Variants in UGGT2 observed in about 807,000 individuals in gnomAD.
UGGT2 encodes the protein UDP-glucose:glycoprotein glucosyltransferase 2.
Under a neutral mutation model 192.1 loss-of-function variants are expected in UGGT2, and 180 were observed. The ratio of observed to expected loss-of-function variants is 0.94; its 90% CI spans 0.83 to 1.06. The LOEUF (loss-of-function observed/expected upper bound fraction) is 1.06. Ranked by LOEUF, UGGT2 falls within the 50% of genes least tolerant of loss-of-function variation. The probability of loss-of-function intolerance (pLI) is 0.00; values close to 1 mark genes in which losing one functional copy is unlikely to be tolerated. For missense variants in UGGT2, 1,849 were observed against 1,795.7 expected, an observed-to-expected ratio of 1.03 and a Z score of -0.54; for synonymous variants, 580 against 591.0, an observed-to-expected ratio of 0.98 and a Z score of 0.27.
At chr13:95,935,051 G>GGTTTT (rs141684721) in intron 17 of UGGT2, among the ~76,000 whole-genome samples, 2,543 of 152,102 alleles carry the variant, frequency 0.017, 71 homozygotes, top group African/African-American at 0.059. Flanking sequence ...AGCAACTCCT[G>GGTTTT]GTTTTGTTTT....
At chr13:95,983,013 G>C (rs1256753910) in intron 10 of UGGT2, among the ~76,000 whole-genome samples, 1 of 152,168 alleles carries the variant, frequency 6.6e-6, no homozygotes, top group Non-Finnish European at 1.5e-5. Context: ...GGCTGGCTAA[G>C]TTAGCACCAT....
intron 38 of UGGT2, among the ~76,000 whole-genome samples, chr13:95,814,786 T>C (rs144786335): frequency 8.1e-4 from 124 of 152,218 alleles, no homozygotes; most frequent in African/African-American, 2.6e-3. Context: ...ATTAAGAAAA[T>C]TATAGAACAA....
chr13:95,933,440 G>C (rs2049355008), intron 17 of UGGT2, among the ~76,000 whole-genome samples: 1 of 152,116 alleles, frequency 6.6e-6, no homozygotes, highest in African/African-American at 2.4e-5. Context: ...TGCTTATTTA[G>C]ATCGTTTCTC....
chr13:95,932,738 G>A (rs1280612545), intron 17 of UGGT2, among the ~76,000 whole-genome samples: 2 of 152,122 alleles, frequency 1.3e-5, no homozygotes, highest in East Asian at 3.9e-4. Flanking sequence ...GTCATAGATG[G>A]CGTTTATTAT....
intron 10 of UGGT2, among the ~76,000 whole-genome samples, chr13:95,980,464 G>A (rs1165408980): frequency 6.6e-6 from 1 of 152,008 alleles, no homozygotes; most frequent in Non-Finnish European, 1.5e-5. Flanking sequence ...AAAGGGCGGG[G>A]GGTGGCAAGA....
intron 38 of UGGT2, among the ~76,000 whole-genome samples, chr13:95,806,695 T>C (rs1044797586): frequency 1.3e-5 from 2 of 152,064 alleles, no homozygotes; most frequent in African/African-American, 2.4e-5. Flanking sequence ...AGAAGAGACA[T>C]ATAGACTAAA....
intron 1 of UGGT2, among the ~76,000 whole-genome samples, chr13:96,051,347 G>A (rs778783574): frequency 2.4e-4 from 36 of 152,086 alleles, no homozygotes; most frequent in African/African-American, 5.3e-4. Flanking sequence ...TTGGGGGAGC[G>A]GGGGATAGCA....
At chr13:95,835,685 G>C (rs563343296) in intron 37 of UGGT2, among the ~76,000 whole-genome samples, 1 of 151,992 alleles carries the variant, frequency 6.6e-6, no homozygotes, top group Non-Finnish European at 1.5e-5. Context: ...TGAAGATCTT[G>C]TAAACAATTT....
chr13:96,015,502 G>T (rs1483156779), intron 4 of UGGT2, among the ~76,000 whole-genome samples: 1 of 151,998 alleles, frequency 6.6e-6, no homozygotes, highest in African/African-American at 2.4e-5. Flanking sequence ...ATTATTTCAG[G>T]AACTGCTTGG....
At chr13:95,841,162 C>T (rs1013052845) in intron 36 of UGGT2, among the ~76,000 whole-genome samples, 9 of 152,230 alleles carry the variant, frequency 5.9e-5, no homozygotes, top group Admixed American at 5.2e-4. Context: ...CACATGTATA[C>T]CTACGTAACA....
chr13:95,985,219 G>A (rs1594510345), intron 9 of UGGT2: 1 of 1,102,536 alleles, frequency 9.1e-7, no homozygotes, highest in Non-Finnish European at 1.2e-6. Flanking sequence ...TGGCTAAACA[G>A]ATATGACATT....
At chr13:95,842,938 A>T (rs1278759989) in intron 36 of UGGT2, among the ~76,000 whole-genome samples, 1 of 152,136 alleles carries the variant, frequency 6.6e-6, no homozygotes, top group African/African-American at 2.4e-5. Context: ...GAGCTAGGTC[A>T]GACTACAGGA....
chr13:95,874,469 A>G (rs1223784335), intron 29 of UGGT2, among the ~76,000 whole-genome samples: 3 of 152,204 alleles, frequency 2.0e-5, no homozygotes, highest in African/African-American at 7.2e-5. Flanking sequence ...ACTCATGGGC[A>G]GACACCTGAC....
intron 10 of UGGT2, among the ~76,000 whole-genome samples, chr13:95,981,513 C>CG (rs1165192439): frequency 6.6e-6 from 1 of 152,102 alleles, no homozygotes; most frequent in African/African-American, 2.4e-5. Context: ...AGTTTAGTCC[C>CG]AGACCCAGAG....
At chr13:95,836,952 A>C in intron 37 of UGGT2, 134 bp downstream of exon 37, 1 of 748,070 alleles carries the variant, frequency 1.3e-6, no homozygotes. Flanking sequence ...CAACCTAAGT[A>C]AATGTGTAAT....
At chr13:95,909,925 G>A (rs1022598399) in intron 20 of UGGT2, among the ~76,000 whole-genome samples, 5 of 151,816 alleles carry the variant, frequency 3.3e-5, no homozygotes, top group African/African-American at 1.2e-4. Context: ...GAAGAGAGTG[G>A]GGGACAATAT....
chr13:95,833,989 A>C (rs1180244315), intron 37 of UGGT2, among the ~76,000 whole-genome samples: 1 of 152,188 alleles, frequency 6.6e-6, no homozygotes, highest in Non-Finnish European at 1.5e-5. Flanking sequence ...CTGTTGTCTT[A>C]ACCCTTTCCT....
chr13:95,894,435 C>T, intron 24 of UGGT2, 127 bp downstream of exon 24: 1 of 688,978 alleles, frequency 1.5e-6, no homozygotes, highest in East Asian at 2.8e-5. Flanking sequence ...CTAATACTGT[C>T]AAATACATTT....
At chr13:95,854,527 C>T (rs1889394934) in intron 34 of UGGT2, 52 bp from the exon 35 acceptor site, 1 of 1,442,206 alleles carries the variant, frequency 6.9e-7, no homozygotes, top group African/African-American at 1.4e-5. Flanking sequence ...AACATAAGCC[C>T]TTTTTTATGG....
Sources: gnomAD v4.1 joint callset for allele counts (sites outside exome capture counted in the v4.1 genomes callset) on GRCh38, gnomAD v4.1.1 for gene constraint, MANE v1.5 for transcripts, NCBI Gene and HGNC (gene_info 2026-07-23, HGNC 2026-07-21) for gene names.